RGR: variants seen among roughly 807,000 people sequenced by gnomAD.
RGR encodes the protein RPE-retinal G protein-coupled receptor.
Under a neutral mutation model 28.6 loss-of-function variants are expected in RGR, and 30 were observed. The ratio of observed to expected loss-of-function variants is 1.05; its 90% CI spans 0.78 to 1.42. RGR has a LOEUF of 1.42. Among genes scored for constraint, RGR ranks in the 40% most tolerant of loss-of-function variants. The pLI, the probability that RGR is intolerant of heterozygous loss-of-function variation, is 0.00. For missense variants in RGR, 404 were observed against 375.6 expected (o/e 1.08, Z -0.62); for synonymous variants, 180 against 156.4 (o/e 1.15, Z -1.13).
At position 84,249,712 on chromosome 10, in the gene RGR, G is replaced by A. The variant is rs183424628; in HGVS notation, c.358+669G>A. On this transcript the variant is annotated intron_variant, in intron 3 of 6. Transcript: ENST00000652092. Reference sequence around the variant, plus strand: ...GACAGGCACTACTCTGCAGACAGGCGCAGAGAGGCTGTGTGTATGTGTGTG... The same window carrying A: ...GACAGGCACTACTCTGCAGACAGGCACAGAGAGGCTGTGTGTATGTGTGTG... Among the ~76,000 whole-genome samples, 79 of 152,322 alleles carry A rather than the reference G, an allele frequency of 5.2e-4. 1 individual carries two copies. Among genetic ancestry groups the A allele is most frequent in the Admixed American group, 9.1e-4 (14 of 15,306 alleles).
At position 84,258,835 on chromosome 10, in the gene RGR, C is replaced by T. The variant is rs965846257; in HGVS notation, c.*196C>T. ...AGATGGACCTGAGTGTCGGTCACAGCCCCCTACACTCAAGGCTGAGAGGCC... is the reference window on the plus strand; with the variant it reads ...AGATGGACCTGAGTGTCGGTCACAGTCCCCTACACTCAAGGCTGAGAGGCC... On this transcript the variant is annotated 3_prime_UTR_variant, in exon 7 of 7. Transcript: ENST00000652092. The T allele has an allele frequency of 2.9e-6, 2 of 700,342 alleles. No individual in the cohort carries two copies. Among genetic ancestry groups the T allele is most frequent in the South Asian group, 1.7e-5 (1 of 58,144 alleles). 43.4% of individuals were successfully genotyped at this position (700,342 alleles called of 1,614,324 possible).
In RGR at chr10:84,256,479, G is replaced by A. The variant is rs185538626; in HGVS notation, c.631-1414G>A. 3.3e-5 allele frequency among the ~76,000 whole-genome samples: 5 copies of A among 152,308 alleles called. No individual in the cohort carries two copies. The East Asian group carries it at 9.7e-4, about 29-fold the overall frequency. On this transcript the variant is annotated intron_variant, in intron 5 of 6. Coordinates refer to ENST00000652092, the MANE Select transcript of RGR (RefSeq NM_001012720.2). ...CTAGGTCTGGGACTCCACCACCCAT[G>A]TGGTCAATCACAGTGCATGAAAGAA...
rs148991807 is a variant in RGR, at chr10:84,248,958, C to A, written c.273C>A (p.His91Gln). ...WPYGSDGCQA[H>Q]GFQGFVTALA... ...ACGGCTCGGACGGCTGCCAGGCTCACGGCTTCCAGGGCTTTGTGACAGCGT... is the reference window on the plus strand; with the variant it reads ...ACGGCTCGGACGGCTGCCAGGCTCAAGGCTTCCAGGGCTTTGTGACAGCGT... Residue 91 changes from histidine to glutamine, a missense_variant, in exon 3 of 7, where the codon CAC becomes CAA. Physicochemically the swap from His to Gln is conservative, Grantham distance 24. Coordinates refer to ENST00000652092, the MANE Select transcript of RGR (RefSeq NM_001012720.2). 1.9e-6 allele frequency: 3 copies of A among 1,614,040 alleles called. No individual in the cohort carries two copies. The highest frequency in any genetic ancestry group is 1.3e-5 in the African/African-American group (1 of 74,938).
At position 84,259,810 on chromosome 10, in the gene RGR, T is replaced by C. The variant is rs2132894633; in HGVS notation, c.*1171T>C. On this transcript the variant is annotated 3_prime_UTR_variant, in exon 7 of 7. Coordinates refer to ENST00000652092, the MANE Select transcript of RGR (RefSeq NM_001012720.2). Reference sequence around the variant, plus strand: ...GGATAATAGTCTGGATAATATATTCTGGATAATATATAATAGTCTTATATA... The same window carrying C: ...GGATAATAGTCTGGATAATATATTCCGGATAATATATAATAGTCTTATATA... 6.6e-6 allele frequency: 1 copy of C among 152,324 alleles called. No individual in the cohort carries two copies. Among genetic ancestry groups the C allele is most frequent in the East Asian group, 1.9e-4 (1 of 5,196 alleles). The allele number at this position is 152,324 out of a possible 1,614,324, so 9.4% of individuals were successfully genotyped here. A position where few individuals can be genotyped will look rare whatever the true frequency, so the allele number is the denominator to read the frequency against.
intron 3 of RGR, among the ~76,000 whole-genome samples, chr10:84,251,167 G>T (rs925243862): frequency 6.8e-6 from 1 of 146,606 alleles, no homozygotes. Context: ...CCTGGGAGGT[G>T]GAAGTTGCAG....
At chr10:84,253,512 C>T (rs368198019) in intron 4 of RGR, among the ~76,000 whole-genome samples, 2 of 152,154 alleles carry the variant, frequency 1.3e-5, no homozygotes, top group Non-Finnish European at 2.9e-5. Context: ...TCATGGGGCT[C>T]GTGTTCTGGT....
chr10:84,248,186 G>A (rs1017806258), intron 2 of RGR: 11 of 1,233,594 alleles, frequency 8.9e-6, no homozygotes, highest in Admixed American at 3.0e-5. Flanking sequence ...AAATGGGGGC[G>A]TTATCACCAC....
chr10:84,245,259 G>T (rs953797271), intron 1 of RGR, 90 bp downstream of exon 1: 7 of 1,338,818 alleles, frequency 5.2e-6, no homozygotes, highest in Non-Finnish European at 6.3e-6. Flanking sequence ...GAGAGGAGAG[G>T]TCCCCAAACC....
intron 2 of RGR, chr10:84,248,643 T>C (rs2132878322): frequency 1.8e-6 from 1 of 561,772 alleles, no homozygotes; most frequent in East Asian, 3.0e-5. Context: ...AATACAGGCA[T>C]GAGCTCTCCT....
At position 84,256,397 on chromosome 10, in the gene RGR, G is replaced by A. The variant is rs1044395968; in HGVS notation, c.631-1496G>A. ...CCTGTGTCGCGGACTAAAAAATTGA[G>A]GCTGAGATGGGGGTTAACTAAGCAA... On this transcript the variant is annotated intron_variant, in intron 5 of 6. Coordinates refer to ENST00000652092, the MANE Select transcript of RGR (RefSeq NM_001012720.2). 2.6e-5 allele frequency among the ~76,000 whole-genome samples: 4 copies of A among 152,066 alleles called. No individual in the cohort carries two copies. In the East Asian group the frequency reaches 7.7e-4, roughly 29 times the overall value.
In RGR at chr10:84,247,617, C is replaced by T. The variant is rs763122712; in HGVS notation, c.106C>T (p.Leu36=). The T allele has an allele frequency of 4.3e-6, 7 of 1,614,106 alleles. No homozygotes were observed. The highest frequency in any genetic ancestry group is 5.9e-6 in the Non-Finnish European group (7 of 1,180,052). Residue 36 remains leucine (L), a synonymous_variant, in exon 2 of 7, where the codon CTG becomes TTG. Coordinates refer to ENST00000652092, the MANE Select transcript of RGR (RefSeq NM_001012720.2). ...EALSGLSLNT[L]TIFSFCKTPE... ...TCTCTCCGGTCTCAGCCTCAATACC[C>T]TGACCATCTTCTCTTTCTGCAAGAC...
chr10:84,248,836 G>C, intron 2 of RGR, 86 bp from the exon 3 acceptor site: 1 of 1,612,392 alleles, frequency 6.2e-7, no homozygotes, highest in Middle Eastern at 1.7e-4. Flanking sequence ...CAGCATTCAG[G>C]AACACACACT....
intron 1 of RGR, among the ~76,000 whole-genome samples, chr10:84,245,837 T>G (rs1311883401): frequency 6.6e-6 from 1 of 152,228 alleles, no homozygotes; most frequent in Admixed American, 6.5e-5. Context: ...CTAGAATCCC[T>G]AAGATGCTCG....
At chr10:84,247,864 A>G in intron 2 of RGR, 117 bp downstream of exon 2, 1 of 1,460,422 alleles carries the variant, frequency 6.8e-7, no homozygotes, top group Middle Eastern at 2.3e-4. Context: ...GGCCAAGGGC[A>G]GAGGGTGGGC....
intron 2 of RGR, chr10:84,248,157 CGTAA>C (rs1485728714): frequency 8.6e-6 from 9 of 1,042,362 alleles, no homozygotes; most frequent in Non-Finnish European, 9.0e-6. Context: ...TAGGACTCTA[CGTAA>C]GTGTTTGTGA....
At chr10:84,250,785 G>A in intron 3 of RGR, 2 of 233,188 alleles carry the variant, frequency 8.6e-6, no homozygotes, top group South Asian at 1.9e-4. Flanking sequence ...CAGCACAATG[G>A]TCCAGGTAGA....
At chr10:84,247,890 G>A in intron 2 of RGR, 143 bp downstream of exon 2, 1 of 1,163,324 alleles carries the variant, frequency 8.6e-7, no homozygotes, top group Non-Finnish European at 1.2e-6. Flanking sequence ...AAAATGGGCT[G>A]AATTCCAGAT....
chr10:84,249,664 G>A (rs1842791424), intron 3 of RGR, among the ~76,000 whole-genome samples: 1 of 152,208 alleles, frequency 6.6e-6, no homozygotes, highest in African/African-American at 2.4e-5. Flanking sequence ...AATGAGATCA[G>A]GGATACAGAA....
intron 2 of RGR, chr10:84,248,291 A>C (rs1564548452): frequency 1.3e-6 from 1 of 753,988 alleles, no homozygotes; most frequent in Non-Finnish European, 1.8e-6. Flanking sequence ...ATAACTAGCT[A>C]GTGTCTAATA....
Sources: allele counts gnomAD v4.1 joint callset (sites outside exome capture counted in the v4.1 genomes callset), GRCh38; gene constraint gnomAD v4.1.1; transcripts MANE v1.5; gene names NCBI Gene and HGNC (gene_info 2026-07-23, HGNC 2026-07-21).